The following CD109 variants were observed in gnomAD, a reference collection of about 807,000 sequenced individuals.
The protein encoded by CD109 is CD109 molecule, also known as CD109 antigen.
A neutral mutation model predicts 165.8 loss-of-function variants in CD109; 149 were observed. The ratio of observed to expected loss-of-function variants is 0.90; its 90% confidence interval spans 0.79 to 1.03. CD109 has a LOEUF of 1.03. Among genes scored for constraint, CD109 ranks in the 50% least tolerant of loss-of-function variants. CD109 has a pLI of 0.00. For synonymous variants in CD109, 585 were observed against 592.1 expected, an observed-to-expected ratio of 0.99 and a Z score of 0.18; for missense variants, 1,712 against 1,677.8, an observed-to-expected ratio of 1.02 and a Z score of -0.36.
intron 25 of CD109, 41 bp from the exon 26 acceptor site, chr6:73,808,042 G>A (rs751919143): frequency 8.2e-6 from 13 of 1,577,216 alleles, no homozygotes; most frequent in South Asian, 1.1e-5. Context: ...GTGGTAATGG[G>A]TTACTCTGAA....
chr6:73,808,207 A>G lies in CD109; in HGVS notation c.3314A>G (p.Lys1105Arg), dbSNP rs769771095. 6.2e-7 allele frequency: 1 copy of G among 1,613,528 alleles called. No homozygotes were observed. The highest frequency in any genetic ancestry group is 2.2e-5 in the East Asian group (1 of 44,862). The change falls in exon 26 of 33, where the codon AAG becomes AGG. Residue 1105 changes from lysine (K) to arginine (R), a missense_variant. Lys to Arg is a conservative substitution (Grantham distance 26). Coordinates refer to ENST00000287097, the MANE Select transcript of CD109 (RefSeq NM_133493.5). ...TCATCAGTGGGGAGTCCTAAAGCGA[A>G]GGAAGCTTTGAATATGCTGACTTGG... ...ALSSVGSPKA[K>R]EALNMLTWRA...
intron 2 of CD109, 120 bp downstream of exon 2, chr6:73,697,692 C>T (rs575330965): frequency 2.8e-6 from 2 of 722,088 alleles, no homozygotes; most frequent in Admixed American, 2.9e-5. Context: ...ACCTAATATA[C>T]TTTTAATTCT....
intron 25 of CD109, among the ~76,000 whole-genome samples, chr6:73,807,421 A>G (rs184933881): frequency 6.6e-6 from 1 of 152,350 alleles, no homozygotes; most frequent in East Asian, 1.9e-4. Flanking sequence ...TAGCAAGTTT[A>G]GATTGCAAAG....
Position 73,786,056 on chromosome 6 carries a change from C to T in CD109, c.2337+579C>T, listed in dbSNP as rs145160823. Among the ~76,000 whole-genome samples, 755 of 123,626 alleles carry T rather than the reference C, an allele frequency of 6.1e-3. 6 individuals carry two copies. Among genetic ancestry groups the T allele is most frequent in the African/African-American group, 0.023 (716 of 31,078 alleles). The allele number at this position is 123,626 out of a possible 152,430, so 81.1% of individuals were successfully genotyped here. On this transcript the variant is annotated intron_variant, in intron 20 of 32. Transcript: ENST00000287097. ...ACAGAGTGTTGCCATGTTGGCCAGG[C>T]GGGTCTTGATCAAGTGATCTGCCTG...
rs1335493373 is a variant in CD109, at chr6:73,756,670, G to A, written c.661G>A (p.Val221Ile). 6.5e-7 allele frequency: 1 copy of A among 1,544,922 alleles called. No homozygotes were observed. The highest frequency in any genetic ancestry group is 8.7e-7 in the Non-Finnish European group (1 of 1,145,322). ...NDQTYYQSFQ[V>I]SEYVLPKFEV... is the part of the protein sequence containing the mutation. ...CCAGACATACTATCAATCATTTCAG[G>A]TTTCAGAATATGGTAAGAGTTCCTC... Residue 221 changes from valine (V) to isoleucine (I), a missense_variant, in exon 6 of 33, where the codon GTT becomes ATT. By Grantham distance (29) the Val-to-Ile change is conservative. Coordinates refer to ENST00000287097, the MANE Select transcript of CD109 (RefSeq NM_133493.5).
chr6:73,770,638 C>T (rs1375033718), intron 14 of CD109, among the ~76,000 whole-genome samples: 8 of 152,086 alleles, frequency 5.3e-5, no homozygotes. Flanking sequence ...ATCCCAGCTA[C>T]TTGGGAGGCT....
At chr6:73,702,975 C>T (rs1035532156) in intron 2 of CD109, among the ~76,000 whole-genome samples, 2 of 152,214 alleles carry the variant, frequency 1.3e-5, no homozygotes, top group African/African-American at 4.8e-5. Context: ...AGGGATTTAA[C>T]ATATTAAATA....
chr6:73,696,195 G>A (rs371757131), upstream of CD109: 779 of 1,544,186 alleles, frequency 5.0e-4, 5 homozygotes, highest in African/African-American at 8.8e-3. Flanking sequence ...GCGGACTGTA[G>A]CCCAGGCAGA....
rs200266982 is a variant in CD109 at position 73,723,229 on chromosome 6, T to C, written c.248-22T>C. 5.5e-4 allele frequency: 882 copies of C among 1,612,640 alleles called. 2 individuals carry two copies. The highest frequency in any genetic ancestry group is 1.2e-3 in the Admixed American group (69 of 59,764). On this transcript the variant is annotated intron_variant, in intron 2 of 32. Transcript: ENST00000287097. ...ATATTCAAATTGTGCTAACTCTGTTTTCTTTCCTGTTTTCCTTGTAGGCTC... is the reference window on the plus strand; with the variant it reads ...ATATTCAAATTGTGCTAACTCTGTTCTCTTTCCTGTTTTCCTTGTAGGCTC...
chr6:73,783,887 C>T, intron 19 of CD109, 63 bp downstream of exon 19: 1 of 871,200 alleles, frequency 1.1e-6, no homozygotes, highest in Non-Finnish European at 1.8e-6. Flanking sequence ...AGCGTCAGCT[C>T]CTCAATTTTT....
At chr6:73,699,162 G>T (rs1770964773) in intron 2 of CD109, among the ~76,000 whole-genome samples, 1 of 152,004 alleles carries the variant, frequency 6.6e-6, no homozygotes, top group African/African-American at 2.4e-5. Flanking sequence ...TAAATCACAG[G>T]ACATAATACT....
chr6:73,683,527 C>A, the CD109 span, among the ~76,000 whole-genome samples: 1 of 152,216 alleles, frequency 6.6e-6, no homozygotes, highest in African/African-American at 2.4e-5. Context: ...CTGTCTTCTT[C>A]TGAGCCCTCC....
chr6:73,736,246 C>A, intron 4 of CD109, 137 bp from the exon 5 acceptor site: 2 of 789,634 alleles, frequency 2.5e-6, no homozygotes, highest in Non-Finnish European at 4.0e-6. Context: ...TCCTGCCATC[C>A]AGCCATATTT....
intron 23 of CD109, among the ~76,000 whole-genome samples, chr6:73,802,302 T>TAC (rs1775390315): frequency 9.6e-6 from 1 of 104,688 alleles, no homozygotes; most frequent in Non-Finnish European, 2.1e-5. Context: ...TATATATATA[T>TAC]ATATTTTTTT....
At position 73,818,394 on chromosome 6, in the gene CD109, G is replaced by C; in HGVS notation, c.3918G>C (p.Ser1306=). Residue 1306 remains serine, a synonymous_variant, in exon 31 of 33, where the codon TCG becomes TCC. Coordinates refer to ENST00000287097, the MANE Select transcript of CD109 (RefSeq NM_133493.5). ...HVDLNVCTSF[S]GPGRSGMALM... is the part of the protein sequence containing the mutation. ...TCCTCCCTCTTTGATTTAGCTTTTCGGGCCCGGGTAGGAGTGGCATGGCTC... is the reference window on the plus strand; with the variant it reads ...TCCTCCCTCTTTGATTTAGCTTTTCCGGCCCGGGTAGGAGTGGCATGGCTC... 6.2e-7 allele frequency: 1 copy of C among 1,613,534 alleles called. No homozygotes were observed. The highest frequency in any genetic ancestry group is 8.5e-7 in the Non-Finnish European group (1 of 1,179,862).
chr6:73,794,052 TC>T (rs1354524683), intron 23 of CD109, among the ~76,000 whole-genome samples: 1 of 152,248 alleles, frequency 6.6e-6, no homozygotes, highest in East Asian at 1.9e-4. Context: ...TGTGAGCTTT[TC>T]TTCCAGGTTC....
rs1180473476 is a variant in CD109 at position 73,826,946 on chromosome 6, A to G, written c.*3313A>G. 1 of 150,856 alleles carries G rather than the reference A, an allele frequency of 6.6e-6. No individual in the cohort carries two copies. The highest frequency in any genetic ancestry group is 1.5e-5 in the Non-Finnish European group (1 of 67,858). The allele number at this position is 150,856 out of a possible 1,614,324, so 9.3% of individuals were successfully genotyped here. A position where few individuals can be genotyped will look rare whatever the true frequency, so the allele number is the denominator to read the frequency against. On this transcript the variant is annotated 3_prime_UTR_variant, in exon 33 of 33. Coordinates refer to ENST00000287097, the MANE Select transcript of CD109 (RefSeq NM_133493.5). ...GTAGTCTGTCAATATAATACCAACT[A>G]TTTTTATTTTTACATAATTCAATTA... is the stretch of plus-strand genomic sequence containing the variant.
At chr6:73,799,538 G>A (rs9293944) in intron 23 of CD109, among the ~76,000 whole-genome samples, 82,141 of 151,960 alleles carry the variant, frequency 0.54, 22,715 homozygotes, top group African/African-American at 0.65. Context: ...GAAGCTTACA[G>A]TTGTGGCAGA....
chr6:73,745,439 G>A (rs112900685), intron 5 of CD109, among the ~76,000 whole-genome samples: 33 of 152,250 alleles, frequency 2.2e-4, no homozygotes, highest in African/African-American at 7.2e-4. Flanking sequence ...TCCTTTTAAG[G>A]TTGAATTTAG....
Sources: gnomAD v4.1 joint callset for allele counts (sites outside exome capture counted in the v4.1 genomes callset) on GRCh38, gnomAD v4.1.1 for gene constraint, MANE v1.5 for transcripts, NCBI Gene and HGNC (gene_info 2026-07-23, HGNC 2026-07-21) for gene names.